The following SBF2 variants were observed in gnomAD, a reference collection of about 807,000 sequenced individuals.
The protein encoded by SBF2 is myotubularin-related protein 13.
Under a neutral mutation model 225.2 loss-of-function variants are expected in SBF2, and 112 were observed. The observed-to-expected ratio is 0.50, with a 90% confidence interval of 0.43 to 0.58. The LOEUF (loss-of-function observed/expected upper bound fraction) is 0.58. SBF2 is among the 20% of genes least tolerant of loss of function. The pLI, the probability that SBF2 is intolerant of heterozygous loss-of-function variation, is 0.00. For synonymous variants in SBF2, 763 were observed against 773.3 expected, an observed-to-expected ratio of 0.99 and a Z score of 0.22; for missense variants, 1,996 against 2,206.2, an observed-to-expected ratio of 0.90 and a Z score of 1.91.
intron 1 of SBF2, among the ~76,000 whole-genome samples, chr11:10,283,892 C>G (rs1036984610): frequency 2.0e-5 from 3 of 151,990 alleles, no homozygotes; most frequent in Admixed American, 2.0e-4. Context: ...CATAACAGCA[C>G]TATAAGAACA....
intron 16 of SBF2, among the ~76,000 whole-genome samples, chr11:9,908,040 T>C (rs559320757): frequency 6.6e-6 from 1 of 152,356 alleles, no homozygotes; most frequent in South Asian, 2.1e-4. Context: ...AGTAAGATAC[T>C]GAACTGAATA....
chr11:10,265,862 T>A (rs993910374), intron 1 of SBF2, among the ~76,000 whole-genome samples: 5 of 150,730 alleles, frequency 3.3e-5, no homozygotes, highest in Non-Finnish European at 7.4e-5. Flanking sequence ...GCTAATTGTG[T>A]GTGTGTGTGT....
At chr11:9,927,751 A>G (rs1259465751) in intron 16 of SBF2, among the ~76,000 whole-genome samples, 1 of 152,210 alleles carries the variant, frequency 6.6e-6, no homozygotes, top group Non-Finnish European at 1.5e-5. Context: ...ATTCCTCAGT[A>G]TCCTAGGAAT....
intron 2 of SBF2, among the ~76,000 whole-genome samples, chr11:10,063,104 G>A (rs947606092): frequency 3.9e-5 from 6 of 151,966 alleles, no homozygotes; most frequent in East Asian, 3.9e-4. Flanking sequence ...GGCAAATACC[G>A]CATGTTCTCA....
chr11:10,189,206 A>G (rs2135314608), intron 2 of SBF2, among the ~76,000 whole-genome samples: 1 of 152,330 alleles, frequency 6.6e-6, no homozygotes, highest in South Asian at 2.1e-4. Flanking sequence ...CTAGCTTTAT[A>G]TACTCACATG....
chr11:9,928,863 T>C (rs998888923), intron 16 of SBF2: 8 of 240,752 alleles, frequency 3.3e-5, no homozygotes, highest in African/African-American at 1.8e-4. Flanking sequence ...TAATGACTTA[T>C]TACTTGCTGT....
intron 1 of SBF2, among the ~76,000 whole-genome samples, chr11:10,230,456 T>G (rs1406444981): frequency 6.6e-6 from 1 of 152,240 alleles, no homozygotes; most frequent in Admixed American, 6.5e-5. Context: ...TACCGGTTGT[T>G]CCTTTCCATG....
chr11:9,790,618 C>T lies in SBF2; in HGVS notation c.4636G>A (p.Asp1546Asn), dbSNP rs1852679004. 2 of 1,589,162 alleles carry T rather than the reference C, an allele frequency of 1.3e-6. No individual in the cohort carries two copies. The highest frequency in any genetic ancestry group is 1.7e-6 in the Non-Finnish European group (2 of 1,158,212). ...ATGGGACTCCTCTTGTGCATTCTGT[C>T]AATACATTCCCAAATACAGACTCCT... ...KKGVCIWECI[D>N]RMHKRSPIFF... The change falls in exon 34 of 40, where the codon GAC becomes AAC. Residue 1546 changes from aspartate (D) to asparagine (N), a missense_variant. Transcript: ENST00000256190.
intron 1 of SBF2, among the ~76,000 whole-genome samples, chr11:10,199,253 G>A (rs1337184297): frequency 6.6e-6 from 1 of 152,120 alleles, no homozygotes; most frequent in East Asian, 1.9e-4. Context: ...CTGGTCAGTG[G>A]TGCAGTCAGA....
chr11:10,258,251 T>G (rs1417856917), intron 1 of SBF2, among the ~76,000 whole-genome samples: 3 of 152,046 alleles, frequency 2.0e-5, no homozygotes, highest in Non-Finnish European at 4.4e-5. Flanking sequence ...ACTATAGGTA[T>G]GCACTACCAC....
At chr11:10,009,181 G>A (rs1049534474) in intron 6 of SBF2, among the ~76,000 whole-genome samples, 1 of 152,256 alleles carries the variant, frequency 6.6e-6, no homozygotes, top group Non-Finnish European at 1.5e-5. Context: ...TAATCCAGAG[G>A]TCTGGATATG....
chr11:10,239,590 C>T (rs1174923043), intron 1 of SBF2, among the ~76,000 whole-genome samples: 6 of 145,264 alleles, frequency 4.1e-5, no homozygotes, highest in Non-Finnish European at 9.2e-5. Flanking sequence ...CTTTCAAGAT[C>T]ATAGACATCA....
chr11:10,231,416 G>GT (rs1166731831), intron 1 of SBF2, among the ~76,000 whole-genome samples: 10 of 152,252 alleles, frequency 6.6e-5, no homozygotes, highest in African/African-American at 1.7e-4. Context: ...TTTCTGCTCT[G>GT]TTTTTTCCCC....
intron 1 of SBF2, among the ~76,000 whole-genome samples, chr11:10,212,395 T>C (rs1387326539): frequency 6.6e-6 from 1 of 152,198 alleles, no homozygotes; most frequent in East Asian, 1.9e-4. Context: ...TGTCTTCTGA[T>C]GAACAGTTAG....
At chr11:10,244,568 T>A (rs1226079552) in intron 1 of SBF2, among the ~76,000 whole-genome samples, 1 of 152,260 alleles carries the variant, frequency 6.6e-6, no homozygotes, top group East Asian at 1.9e-4. Flanking sequence ...GCTTTGTTGT[T>A]CTTGCTCAAA....
intron 8 of SBF2, among the ~76,000 whole-genome samples, chr11:9,999,390 G>A (rs912257995): frequency 6.6e-6 from 1 of 151,966 alleles, no homozygotes; most frequent in Non-Finnish European, 1.5e-5. Flanking sequence ...GTGCAATCTT[G>A]ACTCACTGCA....
chr11:10,049,398 G>C (rs546711396), intron 2 of SBF2, among the ~76,000 whole-genome samples: 1 of 152,256 alleles, frequency 6.6e-6, no homozygotes, highest in Non-Finnish European at 1.5e-5. Context: ...CTTGAGGTCA[G>C]AAGTTTGAGA....
chr11:10,086,394 A>G (rs942052194), intron 2 of SBF2, among the ~76,000 whole-genome samples: 1 of 152,136 alleles, frequency 6.6e-6, no homozygotes, highest in Admixed American at 6.6e-5. Context: ...AAAGGCAAGG[A>G]AAAGTTAGGA....
intron 2 of SBF2, among the ~76,000 whole-genome samples, chr11:10,141,355 T>C (rs977891401): frequency 1.1e-4 from 17 of 152,208 alleles, no homozygotes; most frequent in African/African-American, 4.1e-4. Flanking sequence ...TAGATAATTT[T>C]TCCATTTCAA....
Sources: allele counts gnomAD v4.1 joint callset (sites outside exome capture counted in the v4.1 genomes callset), GRCh38; gene constraint gnomAD v4.1.1; transcripts MANE v1.5; gene names NCBI Gene and HGNC (gene_info 2026-07-23, HGNC 2026-07-21).